The following ZFPM2 variants were observed in gnomAD, a reference collection of about 807,000 sequenced individuals.
ZFPM2 encodes the protein zinc finger protein, FOG family member 2.
In ZFPM2, 20 loss-of-function variants were observed where a neutral mutation model predicts 98.6. The ratio of observed to expected loss-of-function variants is 0.20; its 90% confidence interval spans 0.14 to 0.29. The LOEUF is 0.29. ZFPM2 is among the 10% of genes least tolerant of loss of function. ZFPM2 has a pLI of 1.00. For missense variants in ZFPM2, 1,310 were observed against 1,388.6 expected (o/e 0.94, Z 0.90); for synonymous variants, 518 against 502.7 (o/e 1.03, Z -0.41).
intron 3 of ZFPM2, among the ~76,000 whole-genome samples, chr8:105,489,645 G>A (rs1049998879): frequency 1.3e-5 from 2 of 150,838 alleles, no homozygotes; most frequent in African/African-American, 4.9e-5. Context: ...TGTATTTTTA[G>A]TAGAAATGGA....
At chr8:105,657,746 A>C (rs1817312714) in intron 5 of ZFPM2, among the ~76,000 whole-genome samples, 1 of 152,190 alleles carries the variant, frequency 6.6e-6, no homozygotes, top group Admixed American at 6.5e-5. Flanking sequence ...ATTTTGGCCA[A>C]TGTTATAAAG....
intron 1 of ZFPM2, among the ~76,000 whole-genome samples, chr8:105,412,798 G>A (rs1268788356): frequency 1.3e-5 from 2 of 151,618 alleles, no homozygotes; most frequent in African/African-American, 4.8e-5. Flanking sequence ...TCATTAAATG[G>A]CTCTGTGGGA....
In ZFPM2 at chr8:105,365,753, C is replaced by T. The variant is rs115349478; in HGVS notation, c.40+46772C>T. ...CCTCCCATCAAGACAGACTGACGTG[C>T]TCAGCCAGGACCACCTTACTTAGTG... On this transcript the variant is annotated intron_variant, in intron 1 of 7. Transcript: ENST00000407775. 5.0e-3 allele frequency among the ~76,000 whole-genome samples: 756 copies of T among 152,244 alleles called. 6 individuals are homozygous for T. Among genetic ancestry groups the T allele is most frequent in the African/African-American group, 0.017 (700 of 41,566 alleles).
intron 5 of ZFPM2, among the ~76,000 whole-genome samples, chr8:105,647,210 AT>A (rs1817064988): frequency 6.6e-6 from 1 of 151,992 alleles, no homozygotes. Flanking sequence ...AGATTCCAAT[AT>A]TTTGTTGACT....
At chr8:105,605,458 A>G (rs917298166) in intron 4 of ZFPM2, among the ~76,000 whole-genome samples, 2 of 152,132 alleles carry the variant, frequency 1.3e-5, no homozygotes, top group Non-Finnish European at 2.9e-5. Flanking sequence ...CAACTGATTT[A>G]TTATTTTATC....
intron 1 of ZFPM2, among the ~76,000 whole-genome samples, chr8:105,330,298 C>G (rs1812187052): frequency 6.6e-6 from 1 of 151,146 alleles, no homozygotes; most frequent in Admixed American, 6.6e-5. Flanking sequence ...ATGCTGTAGG[C>G]TTAATATCAG....
chr8:105,448,852 A>G (rs1210278682), intron 3 of ZFPM2, among the ~76,000 whole-genome samples: 1 of 152,030 alleles, frequency 6.6e-6, no homozygotes, highest in East Asian at 1.9e-4. Context: ...TTACCCTAGG[A>G]CTGAACTTTG....
At chr8:105,774,259 G>A (rs139531731) in intron 5 of ZFPM2, among the ~76,000 whole-genome samples, 297 of 152,086 alleles carry the variant, frequency 2.0e-3, no homozygotes, top group African/African-American at 6.3e-3. Context: ...ATATTTAACC[G>A]TAGATTGTAA....
chr8:105,798,923 A>G lies in ZFPM2; in HGVS notation c.939A>G (p.Leu313=). The G allele has an allele frequency of 1.2e-6, 2 of 1,613,932 alleles. No homozygotes were observed. Among genetic ancestry groups the G allele is most frequent in the Non-Finnish European group, 8.5e-7 (1 of 1,179,798 alleles). ...AGAGCTTTTCAAATGCTCGAGCTCT[A>G]GAAATGCACCTGAATTCACACAGTG... is the stretch of plus-strand genomic sequence containing the variant. ...CTKSFSNARA[L]EMHLNSHSGV... is the part of the protein sequence containing the mutation. The change falls in exon 7 of 8, where the codon CTA becomes CTG. Residue 313 remains leucine (L), a synonymous_variant. Coordinates refer to ENST00000407775, the MANE Select transcript of ZFPM2 (RefSeq NM_012082.4).
At chr8:105,628,372 A>G (rs1816697030) in intron 4 of ZFPM2, among the ~76,000 whole-genome samples, 3 of 152,198 alleles carry the variant, frequency 2.0e-5, no homozygotes, top group Admixed American at 2.0e-4. Context: ...TTAAAGCAAG[A>G]ACACAGTATC....
intron 3 of ZFPM2, among the ~76,000 whole-genome samples, chr8:105,482,547 T>G (rs1384850463): frequency 6.6e-6 from 1 of 152,156 alleles, no homozygotes; most frequent in Non-Finnish European, 1.5e-5. Flanking sequence ...TTAAAAAATG[T>G]CTTTTTTCCC....
chr8:105,593,866 A>G (rs1024499672), intron 4 of ZFPM2, among the ~76,000 whole-genome samples: 1 of 152,084 alleles, frequency 6.6e-6, no homozygotes, highest in Admixed American at 6.6e-5. Flanking sequence ...GTCAGTCTAC[A>G]TTAGTACTGC....
chr8:105,325,318 G>T (rs1244033035), intron 1 of ZFPM2, among the ~76,000 whole-genome samples: 1 of 151,828 alleles, frequency 6.6e-6, no homozygotes, highest in African/African-American at 2.4e-5. Context: ...ATTCTGGAAA[G>T]AACTATCTCT....
intron 1 of ZFPM2, among the ~76,000 whole-genome samples, chr8:105,392,554 A>G (rs1811130364): frequency 6.6e-6 from 1 of 152,180 alleles, no homozygotes; most frequent in Non-Finnish European, 1.5e-5. Context: ...CTAAGTGTCC[A>G]CTATGTACCA....
intron 1 of ZFPM2, among the ~76,000 whole-genome samples, chr8:105,329,964 C>A (rs572682094): frequency 6.6e-6 from 1 of 151,706 alleles, no homozygotes; most frequent in Admixed American, 6.6e-5. Context: ...TCTGTATTTG[C>A]TTGTTTTTTT....
intron 1 of ZFPM2, among the ~76,000 whole-genome samples, chr8:105,380,717 A>G (rs1271037199): frequency 5.1e-4 from 20 of 38,904 alleles, no homozygotes; most frequent in African/African-American, 1.0e-3. Flanking sequence ...ATATATATAT[A>G]TTATATATAA....
chr8:105,319,225 C>T (rs936203437), intron 1 of ZFPM2, among the ~76,000 whole-genome samples: 3 of 152,194 alleles, frequency 2.0e-5, no homozygotes, highest in African/African-American at 7.2e-5. Flanking sequence ...CCGCTCAGCC[C>T]TCGCGCTCCC....
chr8:105,560,169 C>CAAAAAA (rs34623592), intron 3 of ZFPM2, among the ~76,000 whole-genome samples: 2 of 67,604 alleles, frequency 3.0e-5, no homozygotes, highest in African/African-American at 6.5e-5. Flanking sequence ...AACTCTGTCT[C>CAAAAAA]AAAAAAAAAA....
chr8:105,475,836 G>A (rs1813002614), intron 3 of ZFPM2, among the ~76,000 whole-genome samples: 1 of 151,998 alleles, frequency 6.6e-6, no homozygotes, highest in Admixed American at 6.6e-5. Flanking sequence ...CTGATTTTGG[G>A]ATTCATTTCA....
Sources: gnomAD v4.1 joint callset for allele counts (sites outside exome capture counted in the v4.1 genomes callset) on GRCh38, gnomAD v4.1.1 for gene constraint, MANE v1.5 for transcripts, NCBI Gene and HGNC (gene_info 2026-07-23, HGNC 2026-07-21) for gene names.